Variants in NCDN observed in about 807,000 individuals in gnomAD.
NCDN encodes neurochondrin.
Under a neutral mutation model 60.7 loss-of-function variants are expected in NCDN, and 9 were observed. The ratio of observed to expected loss-of-function variants is 0.15; its 90% CI spans 0.09 to 0.26. NCDN has a LOEUF of 0.26. Ranked by LOEUF, NCDN falls within the 10% of genes least tolerant of loss-of-function variation. The pLI, the probability that NCDN is intolerant of heterozygous loss-of-function variation, is 1.00. For synonymous variants in NCDN, 409 were observed against 442.5 expected, an observed-to-expected ratio of 0.92 and a Z score of 0.95; for missense variants, 578 against 975.2, an observed-to-expected ratio of 0.59 and a Z score of 5.42.
chr1:35,563,918 T>C lies in NCDN; in HGVS notation c.1753+9T>C. On this transcript the variant is annotated intron_variant, in intron 6 of 6. Coordinates refer to ENST00000373243, the MANE Select transcript of NCDN (RefSeq NM_014284.3). This position sits in a 1 kb window ranked among gnomAD's most constrained non-coding sequence, Gnocchi z 6.6. ...CCTTAGCACCTCTCCAGGTAAGAAC[T>C]GGGGATCCAGTCCTGATGGGTGAGG... The C allele has an allele frequency of 6.2e-7, 1 of 1,612,698 alleles. No individual in the cohort carries two copies. The highest frequency in any genetic ancestry group is 8.5e-7 in the Non-Finnish European group (1 of 1,179,228).
rs759412026 is a variant in NCDN, at chr1:35,560,343, A to G, written c.192A>G (p.Lys64=). The G allele has an allele frequency of 1.9e-6, 3 of 1,613,576 alleles. No homozygotes were observed. In the East Asian group the frequency reaches 6.7e-5, roughly 36 times the overall value. Residue 64 remains lysine (K), a synonymous_variant, in exon 3 of 7, where the codon AAA becomes AAG. Transcript: ENST00000373243. This position sits in a 1 kb window ranked among gnomAD's most constrained non-coding sequence, Gnocchi z 7.6. ...CCCTATAGGTGACCAAGGCAGTCAA[A>G]GCAGGTGACATAGATGCCAAAACTC... ...AALLLVTKAV[K]AGDIDAKTRR...
chr1:35,562,683 G>A lies in NCDN; in HGVS notation c.1385+50G>A, dbSNP rs537905089. 25 of 1,562,476 alleles carry A rather than the reference G, an allele frequency of 1.6e-5. No individual in the cohort carries two copies. Among genetic ancestry groups the A allele is most frequent in the Middle Eastern group, 1.7e-4 (1 of 5,858 alleles). ...CAGCTAGATCATTCTACCGAAAAGC[G>A]TTAACACAAGGACACCCCTCCCCAC... On this transcript the variant is annotated intron_variant, in intron 4 of 6. Coordinates refer to ENST00000373243, the MANE Select transcript of NCDN (RefSeq NM_014284.3). The surrounding 1 kb of genome is among the most constrained non-coding windows in gnomAD (Gnocchi z 6.8).
chr1:35,560,983 C>T lies in NCDN; in HGVS notation c.832C>T (p.Arg278Cys), dbSNP rs750035948. 8.7e-6 allele frequency: 14 copies of T among 1,612,230 alleles called. No individual in the cohort carries two copies. Among genetic ancestry groups the T allele is most frequent in the Non-Finnish European group, 1.2e-5 (14 of 1,179,006 alleles). ...GGGAAGCAAGCTGAGCTCCTGGCAG[C>T]GCAACCCTGCACTGAAGCTGGCAGC... is the stretch of plus-strand genomic sequence containing the variant. ...ILGSKLSSWQ[R>C]NPALKLAARL... Residue 278 changes from arginine (R) to cysteine (C), a missense_variant, in exon 3 of 7, where the codon CGC becomes TGC. Transcript: ENST00000373243. This position sits in a 1 kb window ranked among gnomAD's most constrained non-coding sequence, Gnocchi z 7.6.
At chr1:35,559,488 G>A (rs989301585) in intron 2 of NCDN, among the ~76,000 whole-genome samples, 5 of 152,142 alleles carry the variant, frequency 3.3e-5, no homozygotes, top group South Asian at 2.1e-4. Flanking sequence ...TTTCTGGGGC[G>A]TCCCAGAGCA....
In NCDN at chr1:35,560,828, G is replaced by T. The variant is rs772071163; in HGVS notation, c.677G>T (p.Ser226Ile). The T allele has an allele frequency of 1.2e-6, 2 of 1,614,116 alleles. No individual in the cohort carries two copies. Among genetic ancestry groups the T allele is most frequent in the Non-Finnish European group, 1.7e-6 (2 of 1,180,022 alleles). Residue 226 changes from serine to isoleucine, a missense_variant, in exon 3 of 7, where the codon AGT becomes ATT. Ser to Ile is a moderately radical substitution (Grantham distance 142). Coordinates refer to ENST00000373243, the MANE Select transcript of NCDN (RefSeq NM_014284.3). The surrounding 1 kb of genome is among the most constrained non-coding windows in gnomAD (Gnocchi z 7.6). ...PDLLAVLRGL[S>I]EDFQKAEDAS... Reference sequence around the variant, plus strand: ...CTGCTGGCCGTGTTGCGGGGCCTCAGTGAGGATTTCCAGAAAGCTGAGGAT... The same window carrying T: ...CTGCTGGCCGTGTTGCGGGGCCTCATTGAGGATTTCCAGAAAGCTGAGGAT...
chr1:35,565,598 G>A lies in NCDN; in HGVS notation c.2125G>A (p.Ala709Thr). ...GTGCCGGGAGGCCATGAGGCTGCAG[G>A]CGGGCGAGGAGACGGCCAGCCACTA... Reference protein sequence around the residue: ...RLCREAMRLQAGEETASHYRM... With the variant: ...RLCREAMRLQTGEETASHYRM... The change falls in exon 7 of 7, where the codon GCG (alanine) becomes ACG (threonine). Residue 709 changes from alanine (A) to threonine (T), a missense_variant. Ala to Thr is a moderately conservative substitution (Grantham distance 58). Coordinates refer to ENST00000373243, the MANE Select transcript of NCDN (RefSeq NM_014284.3). The surrounding 1 kb of genome is among the most constrained non-coding windows in gnomAD (Gnocchi z 8.9). 6.4e-7 allele frequency: 1 copy of A among 1,560,640 alleles called. No homozygotes were observed. Among genetic ancestry groups the A allele is most frequent in the South Asian group, 1.2e-5 (1 of 86,156 alleles).
At position 35,560,476 on chromosome 1, in the gene NCDN, G is replaced by A; in HGVS notation, c.325G>A (p.Ala109Thr). 1 of 1,613,972 alleles carries A rather than the reference G, an allele frequency of 6.2e-7. No homozygotes were observed. Among genetic ancestry groups the A allele is most frequent in the African/African-American group, 1.3e-5 (1 of 75,066 alleles). Residue 109 changes from alanine to threonine, a missense_variant, in exon 3 of 7, where the codon GCC becomes ACC. This residue lies in a region of NCDN where 363 missense variants were observed against 583.6 expected (regional missense o/e 0.62). Transcript: ENST00000373243. The surrounding 1 kb of genome is among the most constrained non-coding windows in gnomAD (Gnocchi z 7.6). ...PDHVLRALGV[A>T]LLACFCSDPE... The stretch of plus-strand genomic sequence containing the variant: ...CCATGTTCTGCGGGCTTTGGGTGTG[G>A]CCCTGCTGGCCTGCTTCTGCAGTGA...
At position 35,565,071 on chromosome 1, in the gene NCDN, C is replaced by A; in HGVS notation, c.1754-156C>A. On this transcript the variant is annotated intron_variant, in intron 6 of 6. Coordinates refer to ENST00000373243, the MANE Select transcript of NCDN (RefSeq NM_014284.3). The surrounding 1 kb of genome is among the most constrained non-coding windows in gnomAD (Gnocchi z 8.9). Reference sequence around the variant, plus strand: ...CCCAGAAAAGTTAATTACCCAAGGTCACACAGTGAGCATCTAAGGCAGGGT... The same window carrying A: ...CCCAGAAAAGTTAATTACCCAAGGTAACACAGTGAGCATCTAAGGCAGGGT... The A allele has an allele frequency of 1.4e-6, 1 of 706,560 alleles. No homozygotes were observed. Among genetic ancestry groups the A allele is most frequent in the Non-Finnish European group, 2.3e-6 (1 of 427,632 alleles). 43.8% of individuals were successfully genotyped at this position (706,560 alleles called of 1,614,324 possible).
intron 2 of NCDN, among the ~76,000 whole-genome samples, chr1:35,559,728 A>G (rs1350694242): frequency 2.4e-5 from 3 of 124,156 alleles, no homozygotes; most frequent in African/African-American, 9.2e-5. Flanking sequence ...CAGAAGCTGC[A>G]GTGCTAGGAA....
Position 35,566,640 on chromosome 1 carries a change from C to CACAT in NCDN, c.*980_*981insTACA. 2.5e-5 allele frequency: 9 copies of CACAT among 353,240 alleles called. No homozygotes were observed. The highest frequency in any genetic ancestry group is 1.9e-4 in the South Asian group (9 of 46,832). 21.9% of individuals were successfully genotyped at this position (353,240 alleles called of 1,614,324 possible). A position where few individuals can be genotyped will look rare whatever the true frequency, so the allele number is the denominator to read the frequency against. On this transcript the variant is annotated 3_prime_UTR_variant, in exon 7 of 7. Coordinates refer to ENST00000373243, the MANE Select transcript of NCDN (RefSeq NM_014284.3). The surrounding 1 kb of genome is among the most constrained non-coding windows in gnomAD (Gnocchi z 5.3). The stretch of plus-strand genomic sequence containing the variant: ...TAAACCCAGGGGGACCACACACACA[C>CACAT]ACACACACACACACACACACACACA...
Position 35,563,183 on chromosome 1 carries a change from G to A in NCDN, c.1386-19G>A, listed in dbSNP as rs1338925395. On this transcript the variant is annotated intron_variant, in intron 4 of 6. Coordinates refer to ENST00000373243, the MANE Select transcript of NCDN (RefSeq NM_014284.3). The surrounding 1 kb of genome is among the most constrained non-coding windows in gnomAD (Gnocchi z 6.6). Reference sequence around the variant, plus strand: ...ATCTCTCCCAATCCCACACACGTCTGTCCCTTCCACATCCCCAGGCTCCTC... The same window carrying A: ...ATCTCTCCCAATCCCACACACGTCTATCCCTTCCACATCCCCAGGCTCCTC... The A allele has an allele frequency of 1.2e-6, 2 of 1,605,344 alleles. No homozygotes were observed. The highest frequency in any genetic ancestry group is 1.1e-5 in the South Asian group (1 of 90,352).
chr1:35,557,809 G>A lies in NCDN; in HGVS notation c.-382G>A, dbSNP rs958566139. 2 of 518,564 alleles carry A rather than the reference G, an allele frequency of 3.9e-6. No homozygotes were observed. Among genetic ancestry groups the A allele is most frequent in the Admixed American group, 4.5e-5 (2 of 44,172 alleles). The allele number at this position is 518,564 out of a possible 1,614,324, so 32.1% of individuals were successfully genotyped here. A position where few individuals can be genotyped will look rare whatever the true frequency, so the allele number is the denominator to read the frequency against. On this transcript the variant is annotated 5_prime_UTR_variant, in exon 1 of 7. Transcript: ENST00000373243. ...CAGCCTGGAGCCAGGAGTGGGCAAC[G>A]CGGCGTGAGCAGCGGCCCGAGGCTC...
chr1:35,560,793 G>A lies in NCDN; in HGVS notation c.642G>A (p.Ala214=), dbSNP rs181492624. 9.9e-6 allele frequency: 16 copies of A among 1,613,510 alleles called. No homozygotes were observed. The highest frequency in any genetic ancestry group is 5.0e-5 in the Admixed American group (3 of 60,028). The change falls in exon 3 of 7, where the codon GCG becomes GCA. Residue 214 remains alanine (A), a synonymous_variant. Coordinates refer to ENST00000373243, the MANE Select transcript of NCDN (RefSeq NM_014284.3). This position sits in a 1 kb window ranked among gnomAD's most constrained non-coding sequence, Gnocchi z 7.6. ...AAAETQCWKE[A]EPDLLAVLRG... ...CCGAGACACAGTGCTGGAAGGAGGC[G>A]GAGCCCGACCTGCTGGCCGTGTTGC... is the stretch of plus-strand genomic sequence containing the variant.
rs1241588586 is a variant in NCDN, at chr1:35,563,750, C to T, written c.1611-17C>T. ...AGACCCCCACCTACCTCCATCCTTC[C>T]CCCCTTTCTTTTCCAGGCGTGACGC... On this transcript the variant is annotated splice_polypyrimidine_tract_variant and intron_variant, in intron 5 of 6. Coordinates refer to ENST00000373243, the MANE Select transcript of NCDN (RefSeq NM_014284.3). The surrounding 1 kb of genome is among the most constrained non-coding windows in gnomAD (Gnocchi z 6.6). The T allele has an allele frequency of 1.2e-6, 2 of 1,612,974 alleles. No homozygotes were observed. The highest frequency in any genetic ancestry group is 2.7e-5 in the African/African-American group (2 of 74,872).
At position 35,563,734 on chromosome 1, in the gene NCDN, C is replaced by T. The variant is rs1648780191; in HGVS notation, c.1611-33C>T. ...TTGATTTGGCTGTACTAGACCCCCACCTACCTCCATCCTTCCCCCCTTTCT... is the reference window on the plus strand; with the variant it reads ...TTGATTTGGCTGTACTAGACCCCCATCTACCTCCATCCTTCCCCCCTTTCT... On this transcript the variant is annotated intron_variant, in intron 5 of 6. Transcript: ENST00000373243. The surrounding 1 kb of genome is among the most constrained non-coding windows in gnomAD (Gnocchi z 6.6). 6.2e-7 allele frequency: 1 copy of T among 1,610,524 alleles called. No individual in the cohort carries two copies. The highest frequency in any genetic ancestry group is 1.7e-5 in the Admixed American group (1 of 59,788).
rs1648440088 is a variant in NCDN, at chr1:35,558,185, T to C, written c.-6T>C. 4 of 1,613,992 alleles carry C rather than the reference T, an allele frequency of 2.5e-6. No homozygotes were observed. Among genetic ancestry groups the C allele is most frequent in the African/African-American group, 1.3e-5 (1 of 74,904 alleles). Reference sequence around the variant, plus strand: ...ATCTCATCGCCGCCCTGTCGTGACTTCATCAATGTCGTGTTGTGACCTGGC... The same window carrying C: ...ATCTCATCGCCGCCCTGTCGTGACTCCATCAATGTCGTGTTGTGACCTGGC... On this transcript the variant is annotated 5_prime_UTR_variant, in exon 1 of 7. Transcript: ENST00000373243. The surrounding 1 kb of genome is among the most constrained non-coding windows in gnomAD (Gnocchi z 6.3).
Position 35,562,748 on chromosome 1 carries a change from T to A in NCDN, c.1385+115T>A. The A allele has an allele frequency of 7.5e-7, 1 of 1,330,372 alleles. No homozygotes were observed. The allele number at this position is 1,330,372 out of a possible 1,614,324, so 82.4% of individuals were successfully genotyped here. A position where few individuals can be genotyped will look rare whatever the true frequency, so the allele number is the denominator to read the frequency against. On this transcript the variant is annotated intron_variant, in intron 4 of 6. Coordinates refer to ENST00000373243, the MANE Select transcript of NCDN (RefSeq NM_014284.3). The surrounding 1 kb of genome is among the most constrained non-coding windows in gnomAD (Gnocchi z 6.8). ...CAGGCTTCCTGATTGGGCCATGAGA[T>A]ATCCCTTAGGGTTATTTCTGTTTTG...
chr1:35,560,427 G>T lies in NCDN; in HGVS notation c.276G>T (p.Lys92Asn). ...FTFPNRLLTT[K>N]EAPDGCPDHV... Reference sequence around the variant, plus strand: ...TCCCCAATCGTCTCCTGACCACCAAGGAGGCGCCGGATGGCTGCCCTGACC... The same window carrying T: ...TCCCCAATCGTCTCCTGACCACCAATGAGGCGCCGGATGGCTGCCCTGACC... Residue 92 changes from lysine (K) to asparagine (N), a missense_variant, in exon 3 of 7, where the codon AAG becomes AAT. Transcript: ENST00000373243. The surrounding 1 kb of genome is among the most constrained non-coding windows in gnomAD (Gnocchi z 7.6). The T allele has an allele frequency of 6.2e-7, 1 of 1,613,972 alleles. No individual in the cohort carries two copies. The highest frequency in any genetic ancestry group is 1.1e-5 in the South Asian group (1 of 91,086).
In NCDN at chr1:35,560,668, A is replaced by G. The variant is rs1648666965; in HGVS notation, c.517A>G (p.Ile173Val). 1 of 1,613,164 alleles carries G rather than the reference A, an allele frequency of 6.2e-7. No individual in the cohort carries two copies. The highest frequency in any genetic ancestry group is 8.5e-7 in the Non-Finnish European group (1 of 1,180,040). Reference protein sequence around the residue: ...AGTPRGPRHLIAGGTVSALCQ... With the variant: ...AGTPRGPRHLVAGGTVSALCQ... Reference sequence around the variant, plus strand: ...CACACCCAGAGGGCCTCGGCACCTCATTGCTGGTGGCACCGTGTCTGCCCT... The same window carrying G: ...CACACCCAGAGGGCCTCGGCACCTCGTTGCTGGTGGCACCGTGTCTGCCCT... The change falls in exon 3 of 7, where the codon ATT becomes GTT. Residue 173 changes from isoleucine (I) to valine (V), a missense_variant. Physicochemically the swap from Ile to Val is conservative, Grantham distance 29. Around this residue, in one of 3 missense-constraint regions of NCDN, gnomAD observed 363 missense variants for 583.6 expected, o/e 0.62. Coordinates refer to ENST00000373243, the MANE Select transcript of NCDN (RefSeq NM_014284.3). The surrounding 1 kb of genome is among the most constrained non-coding windows in gnomAD (Gnocchi z 7.6).
Sources: gnomAD v4.1 joint callset for allele counts (sites outside exome capture counted in the v4.1 genomes callset) on GRCh38, gnomAD v4.1.1 for gene constraint, gnomAD v4.1.1 regional missense constraint, Gnocchi (gnomAD v3.1) non-coding constraint, MANE v1.5 for transcripts, NCBI Gene and HGNC (gene_info 2026-07-23, HGNC 2026-07-21) for gene names.